The following WWTR1 variants were observed in gnomAD, a reference collection of about 807,000 sequenced individuals.
WWTR1 encodes WW domain-containing transcription regulator protein 1.
Under a neutral mutation model 40.1 loss-of-function variants are expected in WWTR1, and 13 were observed. The ratio of observed to expected loss-of-function variants is 0.32; its 90% CI spans 0.21 to 0.52. The LOEUF (loss-of-function observed/expected upper bound fraction) is 0.52. Among genes scored for constraint, WWTR1 ranks in the 20% least tolerant of loss-of-function variants. The pLI, the probability that WWTR1 is intolerant of heterozygous loss-of-function variation, is 0.97. For missense variants in WWTR1, 436 were observed against 523.1 expected, an observed-to-expected ratio of 0.83 and a Z score of 1.63; for synonymous variants, 230 against 210.1, an observed-to-expected ratio of 1.09 and a Z score of -0.82.
At chr3:149,563,878 A>G (rs755614866) in intron 3 of WWTR1, among the ~76,000 whole-genome samples, 1 of 152,236 alleles carries the variant, frequency 6.6e-6, no homozygotes. Context: ...GAGCCTCCCA[A>G]GTAGCTGGGA....
upstream of WWTR1, among the ~76,000 whole-genome samples, chr3:149,707,377 G>T (rs978995216): frequency 6.6e-6 from 1 of 152,132 alleles, no homozygotes; most frequent in African/African-American, 2.4e-5. Flanking sequence ...GTCTGTTTTG[G>T]TGACTTAATA....
At chr3:149,639,068 T>G (rs576748099) in intron 2 of WWTR1, among the ~76,000 whole-genome samples, 1 of 152,268 alleles carries the variant, frequency 6.6e-6, no homozygotes, top group South Asian at 2.1e-4. Context: ...AGACACATGG[T>G]TACATTCTCT....
At chr3:149,670,105 C>A (rs1714009133) in intron 1 of WWTR1, among the ~76,000 whole-genome samples, 1 of 152,206 alleles carries the variant, frequency 6.6e-6, no homozygotes, top group Admixed American at 6.5e-5. Flanking sequence ...CCCAGCTGGG[C>A]TCAACCCTTG....
At chr3:149,687,736 G>C (rs1714699521) in intron 1 of WWTR1, among the ~76,000 whole-genome samples, 1 of 152,140 alleles carries the variant, frequency 6.6e-6, no homozygotes, top group South Asian at 2.1e-4. Flanking sequence ...AAAGTAAAAA[G>C]GACTTTGTCT....
chr3:149,659,480 T>A (rs1713472492), upstream of WWTR1: 1 of 151,752 alleles, frequency 6.6e-6, no homozygotes, highest in African/African-American at 2.4e-5. Context: ...TTAAGACGCC[T>A]GCCACCACGC....
chr3:149,562,573 C>T lies in WWTR1; in HGVS notation c.568+10291G>A, dbSNP rs183590378. 1.4e-3 allele frequency among the ~76,000 whole-genome samples: 195 copies of T among 140,918 alleles called. 1 individual carries two copies. Among genetic ancestry groups the T allele is most frequent in the Non-Finnish European group, 1.7e-3 (107 of 63,474 alleles). The allele number at this position is 140,918 out of a possible 152,430, so 92.4% of individuals were successfully genotyped here. ...CTTGCTGCTTCAAAAATGTTTAGAA[C>T]CTTTTTTTTTTCTGCCTTAAAATAC... is the stretch of plus-strand genomic sequence containing the variant. On this transcript the variant is annotated intron_variant, in intron 3 of 6. Coordinates refer to ENST00000360632, the MANE Select transcript of WWTR1 (RefSeq NM_015472.6).
intron 4 of WWTR1, among the ~76,000 whole-genome samples, chr3:149,539,311 G>A (rs766465876): frequency 7.9e-5 from 12 of 152,298 alleles, no homozygotes; most frequent in South Asian, 2.1e-4. Flanking sequence ...TATAGACAGC[G>A]TGATAATTTA....
chr3:149,649,761 A>C (rs1346308978), intron 2 of WWTR1: 1 of 152,108 alleles, frequency 6.6e-6, no homozygotes, highest in Non-Finnish European at 1.5e-5. Flanking sequence ...TATTAAAAAT[A>C]CAAAAATTAG....
intron 3 of WWTR1, among the ~76,000 whole-genome samples, chr3:149,560,351 C>T (rs1454069578): frequency 6.6e-6 from 1 of 152,080 alleles, no homozygotes; most frequent in Non-Finnish European, 1.5e-5. Context: ...GCTGAGGATC[C>T]CAGAAGAGAA....
At chr3:149,692,692 G>T (rs1217854316) in intron 1 of WWTR1, among the ~76,000 whole-genome samples, 1 of 152,100 alleles carries the variant, frequency 6.6e-6, no homozygotes, top group Non-Finnish European at 1.5e-5. Context: ...GGAGTGCAAT[G>T]GTGCGATCTC....
intron 4 of WWTR1, among the ~76,000 whole-genome samples, chr3:149,534,850 G>A (rs553868311): frequency 2.0e-5 from 3 of 152,294 alleles, no homozygotes; most frequent in Admixed American, 6.5e-5. Context: ...GCTGGAGGAC[G>A]GGTGATGTGT....
chr3:149,567,284 A>C (rs1382111833), intron 3 of WWTR1, among the ~76,000 whole-genome samples: 1 of 152,180 alleles, frequency 6.6e-6, no homozygotes, highest in Non-Finnish European at 1.5e-5. Flanking sequence ...GCATGTTTTC[A>C]GTATTTGTCT....
chr3:149,578,236 T>TAGAAACACAC (rs1737981650), intron 2 of WWTR1, among the ~76,000 whole-genome samples: 2 of 152,230 alleles, frequency 1.3e-5, no homozygotes, highest in Admixed American at 6.5e-5. Context: ...GGTTTAATAT[T>TAGAAACACAC]AGCTCTGACC....
intron 3 of WWTR1, among the ~76,000 whole-genome samples, chr3:149,566,239 C>T (rs1390830944): frequency 6.6e-6 from 1 of 151,974 alleles, no homozygotes; most frequent in African/African-American, 2.4e-5. Flanking sequence ...TCAAGAAAAT[C>T]ATTTTTAAAT....
rs116659069 is a variant in WWTR1, at chr3:149,620,028, T to C, written c.431+36848A>G. Among the ~76,000 whole-genome samples, 1,096 of 152,306 alleles carry C rather than the reference T, an allele frequency of 7.2e-3. 13 individuals carry two copies. Among genetic ancestry groups the C allele is most frequent in the African/African-American group, 0.025 (1,031 of 41,552 alleles). On this transcript the variant is annotated intron_variant, in intron 2 of 6. Coordinates refer to ENST00000360632, the MANE Select transcript of WWTR1 (RefSeq NM_015472.6). ...TCCATTTAACATCTACACGCTTTGA[T>C]GTATTTTGGTCCTGGGCTCCATCTT...
intron 4 of WWTR1, among the ~76,000 whole-genome samples, chr3:149,723,061 T>A (rs1346447817): frequency 6.6e-6 from 1 of 152,012 alleles, no homozygotes; most frequent in African/African-American, 2.4e-5. Context: ...AACCAAGCCA[T>A]ACATTTCCGT....
At chr3:149,705,394 A>C (rs1043422991), upstream of WWTR1, among the ~76,000 whole-genome samples, 4 of 152,242 alleles carry the variant, frequency 2.6e-5, no homozygotes, top group Admixed American at 6.5e-5. Flanking sequence ...AGAGGGAAAA[A>C]GCAGGTATCA....
At chr3:149,667,316 G>A (rs182639936) in intron 2 of WWTR1, among the ~76,000 whole-genome samples, 4 of 98,218 alleles carry the variant, frequency 4.1e-5, no homozygotes, top group African/African-American at 7.6e-5. Flanking sequence ...GGAGGCTGAG[G>A]GGGGGTGGAT....
chr3:149,635,503 G>T (rs4681531), intron 2 of WWTR1, among the ~76,000 whole-genome samples: 64,116 of 149,256 alleles, frequency 0.43, 14,927 homozygotes, highest in Middle Eastern at 0.66. Context: ...AGAAGGAGAA[G>T]AAGAAGAAGA....
Sources: gnomAD v4.1 joint callset for allele counts (sites outside exome capture counted in the v4.1 genomes callset) on GRCh38, gnomAD v4.1.1 for gene constraint, MANE v1.5 for transcripts, NCBI Gene and HGNC (gene_info 2026-07-23, HGNC 2026-07-21) for gene names.